The following ARSB variants were observed in gnomAD, a reference collection of about 807,000 sequenced individuals.
The protein encoded by ARSB is arylsulfatase B.
ARSB carries 41 observed loss-of-function variants against 50.9 expected under a neutral mutation model. The observed-to-expected ratio is 0.81, with a 90% CI of 0.63 to 1.04. ARSB has a LOEUF of 1.04. ARSB is among the 50% of genes least tolerant of loss of function. ARSB has a pLI of 0.00. For synonymous variants in ARSB, 269 were observed against 284.8 expected, an observed-to-expected ratio of 0.94 and a Z score of 0.56; for missense variants, 672 against 693.3, an observed-to-expected ratio of 0.97 and a Z score of 0.35.
chr5:78,966,926 TAA>T lies in ARSB; in HGVS notation c.499+2078_499+2079del, dbSNP rs35103058. Among the ~76,000 whole-genome samples, 231 of 141,790 alleles carry T rather than the reference TAA, an allele frequency of 1.6e-3. 1 individual carries two copies. The highest frequency in any genetic ancestry group is 3.8e-3 in the Middle Eastern group (1 of 264). The allele number at this position is 141,790 out of a possible 152,430, so 93.0% of individuals were successfully genotyped here. On this transcript the variant is annotated intron_variant, in intron 2 of 7. Transcript: ENST00000264914. ...TACTGAGAATACATCCGGGTCCATT[TAA>T]AAAAAAAAAAAAAAAAGCTAAGATT...
At chr5:78,802,984 C>T (rs1306104807) in intron 6 of ARSB, among the ~76,000 whole-genome samples, 2 of 152,214 alleles carry the variant, frequency 1.3e-5, no homozygotes, top group African/African-American at 4.8e-5. Flanking sequence ...AAGATCTCAA[C>T]TCCAGGACAT....
At chr5:78,950,560 A>G (rs1751453034) in intron 4 of ARSB, among the ~76,000 whole-genome samples, 1 of 152,202 alleles carries the variant, frequency 6.6e-6, no homozygotes, top group Admixed American at 6.5e-5. Flanking sequence ...AATGTCCCCA[A>G]AAATAAAGCC....
chr5:78,950,175 A>C (rs1417087239), intron 4 of ARSB, among the ~76,000 whole-genome samples: 1 of 152,206 alleles, frequency 6.6e-6, no homozygotes, highest in Non-Finnish European at 1.5e-5. Context: ...AACAGCCACT[A>C]GTGCTGCTTC....
In ARSB at chr5:78,933,367, G is replaced by A. The variant is rs145994189; in HGVS notation, c.898+21928C>T. Among the ~76,000 whole-genome samples the A allele has an allele frequency of 2.6e-3, 390 of 152,262 alleles. 2 individuals carry two copies. Among genetic ancestry groups the A allele is most frequent in the African/African-American group, 8.7e-3 (360 of 41,560 alleles). On this transcript the variant is annotated intron_variant, in intron 4 of 7. Transcript: ENST00000264914. ...CCCAAGAAAACTAGAGCCAGCTCCCGCTCAAGTTTCAAAGGCTCTGAGGTG... is the reference window on the plus strand; with the variant it reads ...CCCAAGAAAACTAGAGCCAGCTCCCACTCAAGTTTCAAAGGCTCTGAGGTG...
Position 78,790,794 on chromosome 5 carries a change from C to T in ARSB, c.1214-8820G>A, listed in dbSNP as rs556075914. Among the ~76,000 whole-genome samples, 105 of 152,232 alleles carry T rather than the reference C, an allele frequency of 6.9e-4. 1 individual carries two copies. The South Asian group carries it at 0.021, about 30-fold the overall frequency. On this transcript the variant is annotated intron_variant, in intron 6 of 7. Transcript: ENST00000264914. ...AAAGAGGAGGAAAGGAGGCAAAAAT[C>T]ACTATTATATCAGAAAAACAAAATA...
chr5:78,960,949 T>C (rs1468268591), intron 3 of ARSB, among the ~76,000 whole-genome samples: 1 of 152,222 alleles, frequency 6.6e-6, no homozygotes, highest in Non-Finnish European at 1.5e-5. Context: ...ATTATCCTGC[T>C]GAAAAAGAGA....
At chr5:78,975,222 CGAG>C (rs1379006649) in intron 1 of ARSB, among the ~76,000 whole-genome samples, 1 of 152,204 alleles carries the variant, frequency 6.6e-6, no homozygotes, top group Non-Finnish European at 1.5e-5. Flanking sequence ...ACAGTGAGGG[CGAG>C]GAGGACAAGA....
At chr5:78,911,399 C>T (rs1749298673) in intron 4 of ARSB, among the ~76,000 whole-genome samples, 1 of 151,578 alleles carries the variant, frequency 6.6e-6, no homozygotes, top group African/African-American at 2.4e-5. Flanking sequence ...CATGGTGAAA[C>T]CCCGTCTCTA....
Position 78,779,181 on chromosome 5 carries a change from C to T in ARSB, c.*1216G>A, listed in dbSNP as rs1748855483. On this transcript the variant is annotated 3_prime_UTR_variant, in exon 8 of 8. Coordinates refer to ENST00000264914, the MANE Select transcript of ARSB (RefSeq NM_000046.5). ...CTCTCTGGAGCTAATATGGACTGTT[C>T]CACATTAGTAAGACATTAGTGGGAT... 6.6e-6 allele frequency: 1 copy of T among 152,028 alleles called. No individual in the cohort carries two copies. 9.4% of individuals were successfully genotyped at this position (152,028 alleles called of 1,614,324 possible). A position where few individuals can be genotyped will look rare whatever the true frequency, so the allele number is the denominator to read the frequency against.
intron 6 of ARSB, among the ~76,000 whole-genome samples, chr5:78,838,599 T>C (rs1442499209): frequency 6.6e-6 from 1 of 152,158 alleles, no homozygotes; most frequent in Non-Finnish European, 1.5e-5. Context: ...GGAGCCCCCA[T>C]GTGAATAAGG....
intron 6 of ARSB, among the ~76,000 whole-genome samples, chr5:78,787,091 CATCTATCTATCT>C (rs143701672): frequency 4.1e-4 from 53 of 128,054 alleles, no homozygotes; most frequent in South Asian, 1.7e-3. Flanking sequence ...AATCGATAAC[CATCTATCTATCT>C]ATCTATCTAT....
At chr5:78,941,965 T>C (rs2112437139) in intron 4 of ARSB, among the ~76,000 whole-genome samples, 1 of 152,322 alleles carries the variant, frequency 6.6e-6, no homozygotes, top group African/African-American at 2.4e-5. Context: ...TCAGAGCCTG[T>C]TATTGGTCTA....
chr5:78,917,816 A>G (rs1749628186), intron 4 of ARSB, among the ~76,000 whole-genome samples: 1 of 152,186 alleles, frequency 6.6e-6, no homozygotes, highest in Non-Finnish European at 1.5e-5. Flanking sequence ...CCCAGCCTGC[A>G]GTTATGTTTA....
At chr5:78,925,960 C>G (rs1315788852) in intron 4 of ARSB, among the ~76,000 whole-genome samples, 1 of 151,994 alleles carries the variant, frequency 6.6e-6, no homozygotes, top group Non-Finnish European at 1.5e-5. Flanking sequence ...TGGGGAAATA[C>G]TTTACTAATC....
chr5:78,984,358 G>C (rs1252918201), intron 1 of ARSB, among the ~76,000 whole-genome samples: 1 of 152,228 alleles, frequency 6.6e-6, no homozygotes, highest in Non-Finnish European at 1.5e-5. Flanking sequence ...AAGATGCTCA[G>C]AAGAGTTCAA....
At position 78,839,433 on chromosome 5, in the gene ARSB, A is replaced by G; in HGVS notation, c.1143-7T>C. ...GGGGGATGGGCTTCCTTCACTGGAAAACAATTTTTAAGGGAATGTTAATTT... is the reference window on the plus strand; with the variant it reads ...GGGGGATGGGCTTCCTTCACTGGAAGACAATTTTTAAGGGAATGTTAATTT... On this transcript the variant is annotated splice_region_variant and splice_polypyrimidine_tract_variant and intron_variant, in intron 5 of 7. Coordinates refer to ENST00000264914, the MANE Select transcript of ARSB (RefSeq NM_000046.5). 6.2e-7 allele frequency: 1 copy of G among 1,612,012 alleles called. No homozygotes were observed. Among genetic ancestry groups the G allele is most frequent in the East Asian group, 2.2e-5 (1 of 44,848 alleles).
chr5:78,942,950 G>T (rs1350500668), intron 4 of ARSB, among the ~76,000 whole-genome samples: 1 of 152,200 alleles, frequency 6.6e-6, no homozygotes, highest in Non-Finnish European at 1.5e-5. Flanking sequence ...CTTGCTTTAT[G>T]AATCTGGGTG....
chr5:78,984,881 A>G, intron 1 of ARSB, 56 bp downstream of exon 1: 4 of 1,241,044 alleles, frequency 3.2e-6, no homozygotes, highest in Non-Finnish European at 3.0e-6. Flanking sequence ...TAGGAGCGGC[A>G]GGGCGCCGGC....
intron 6 of ARSB, among the ~76,000 whole-genome samples, chr5:78,801,064 C>T (rs1006615659): frequency 6.6e-6 from 1 of 152,172 alleles, no homozygotes; most frequent in Non-Finnish European, 1.5e-5. Flanking sequence ...TGCGTTAGTA[C>T]CTCCAACATA....
Sources: allele counts gnomAD v4.1 joint callset (sites outside exome capture counted in the v4.1 genomes callset), GRCh38; gene constraint gnomAD v4.1.1; transcripts MANE v1.5; gene names NCBI Gene and HGNC (gene_info 2026-07-23, HGNC 2026-07-21).